RBFOX2: variants seen among roughly 807,000 people sequenced by gnomAD.
RBFOX2 encodes RNA binding protein fox-1 homolog 2.
In RBFOX2, 10 loss-of-function variants were observed where a neutral mutation model predicts 49.1. The observed-to-expected ratio is 0.20, with a 90% CI of 0.13 to 0.35. RBFOX2 has a LOEUF of 0.35. Ranked by LOEUF, RBFOX2 falls within the 10% of genes least tolerant of loss-of-function variation. The pLI is 1.00. For synonymous variants in RBFOX2, 183 were observed against 187.4 expected, an observed-to-expected ratio of 0.98 and a Z score of 0.19; for missense variants, 323 against 486.9, an observed-to-expected ratio of 0.66 and a Z score of 3.17.
At position 35,976,361 on chromosome 22, in the gene RBFOX2, A is replaced by G. The variant is rs80078222; in HGVS notation, c.187-37464T>C. ...ACCCCCCCCTCTTAATTCTTCCCTCAGTCCTTCCTTCCTGTTCTCAACAAG... is the reference window on the plus strand; with the variant it reads ...ACCCCCCCCTCTTAATTCTTCCCTCGGTCCTTCCTTCCTGTTCTCAACAAG... On this transcript the variant is annotated intron_variant, in intron 1 of 13. Coordinates refer to the RBFOX2 transcript ENST00000438146. Among the ~76,000 whole-genome samples the G allele has an allele frequency of 9.2e-5, 14 of 151,850 alleles. No homozygotes were observed. The East Asian group carries it at 2.3e-3, about 25-fold the overall frequency.
At position 35,782,434 on chromosome 22, in the gene RBFOX2, G is replaced by C. The variant is rs1945359999; in HGVS notation, c.253-688C>G. ...CTTCCCGGGTTCACGCCATTCTCCT[G>C]CCTCAGCCTCCCGAGTAGCTGGGAC... On this transcript the variant is annotated intron_variant, in intron 2 of 11. Transcript: ENST00000405409. Among the ~76,000 whole-genome samples, 3 of 152,088 alleles carry C rather than the reference G, an allele frequency of 2.0e-5. No homozygotes were observed. The South Asian group carries it at 6.2e-4, about 32-fold the overall frequency.
At chr22:35,876,531 A>C (rs1255100497) in intron 1 of RBFOX2, among the ~76,000 whole-genome samples, 1 of 152,190 alleles carries the variant, frequency 6.6e-6, no homozygotes, top group Non-Finnish European at 1.5e-5. Flanking sequence ...TAAAGCCTCA[A>C]AACAAAACTC....
chr22:35,785,510 C>T (rs1004497616), intron 2 of RBFOX2, among the ~76,000 whole-genome samples: 1 of 152,158 alleles, frequency 6.6e-6, no homozygotes, highest in Non-Finnish European at 1.5e-5. Flanking sequence ...GCATCCCCTC[C>T]CTTTGACTTT....
At chr22:35,971,279 G>A (rs1483085642) in intron 1 of RBFOX2, among the ~76,000 whole-genome samples, 1 of 152,120 alleles carries the variant, frequency 6.6e-6, no homozygotes, top group African/African-American at 2.4e-5. Context: ...GCTACACAGG[G>A]CCAGTGATAC....
chr22:35,934,807 A>C (rs760498406), intron 1 of RBFOX2, among the ~76,000 whole-genome samples: 1 of 152,190 alleles, frequency 6.6e-6, no homozygotes, highest in Non-Finnish European at 1.5e-5. Context: ...AATACTGCAA[A>C]TCCATAAAAC....
At chr22:36,001,190 C>T (rs995581529) in intron 1 of RBFOX2, among the ~76,000 whole-genome samples, 5 of 66,238 alleles carry the variant, frequency 7.5e-5, no homozygotes, top group African/African-American at 2.5e-4. Flanking sequence ...AACATACACA[C>T]ACACACACAC....
intron 1 of RBFOX2, among the ~76,000 whole-genome samples, chr22:35,858,897 G>C (rs1044012637): frequency 1.3e-5 from 2 of 148,952 alleles, no homozygotes; most frequent in East Asian, 2.0e-4. Flanking sequence ...TATATGAAAA[G>C]AGAAGGTCTG....
chr22:35,853,571 T>G (rs2042184854), intron 1 of RBFOX2, among the ~76,000 whole-genome samples: 1 of 152,118 alleles, frequency 6.6e-6, no homozygotes, highest in African/African-American at 2.4e-5. Context: ...AATGTATTGG[T>G]TGACATACAC....
At chr22:35,967,917 T>C (rs2056656512) in intron 1 of RBFOX2, among the ~76,000 whole-genome samples, 1 of 152,072 alleles carries the variant, frequency 6.6e-6, no homozygotes, top group Admixed American at 6.6e-5. Flanking sequence ...CCAGAAATAA[T>C]ACAATTTTTC....
At chr22:35,804,213 G>T (rs1950281648) in intron 2 of RBFOX2, among the ~76,000 whole-genome samples, 1 of 152,076 alleles carries the variant, frequency 6.6e-6, no homozygotes, top group Admixed American at 6.6e-5. Context: ...GGGAGGCAGA[G>T]GTTGTACTGA....
intron 1 of RBFOX2, among the ~76,000 whole-genome samples, chr22:35,936,203 C>T (rs1445000510): frequency 6.7e-6 from 1 of 148,688 alleles, no homozygotes; most frequent in Non-Finnish European, 1.5e-5. Context: ...CAGAGCAAGA[C>T]CCTGTCTCAA....
intron 1 of RBFOX2, among the ~76,000 whole-genome samples, chr22:35,832,689 A>T (rs1299606168): frequency 6.6e-6 from 1 of 151,128 alleles, no homozygotes; most frequent in African/African-American, 2.4e-5. Flanking sequence ...AAAATTAGCC[A>T]GGTGTGGTGG....
At position 35,761,248 on chromosome 22, in the gene RBFOX2, C is replaced by A. The variant is rs764922142; in HGVS notation, c.708G>T (p.Val236=). The change falls in exon 8 of 12, where the codon GTG becomes GTT. Residue 236 remains valine, a synonymous_variant. Coordinates refer to ENST00000405409, the Ensembl canonical transcript of RBFOX2. Reference sequence around the variant, plus strand: ...TGATACCCCCTCTTCCTGATAGGGGCACTGCTGCATCATTGCCTAGGGACA... The same window carrying A: ...TGATACCCCCTCTTCCTGATAGGGGAACTGCTGCATCATTGCCTAGGGACA... 18 of 1,614,152 alleles carry A rather than the reference C, an allele frequency of 1.1e-5. 1 individual carries two copies. The South Asian group carries it at 1.6e-4, about 15-fold the overall frequency.
chr22:35,873,966 C>T (rs2044689814), intron 1 of RBFOX2, among the ~76,000 whole-genome samples: 3 of 152,150 alleles, frequency 2.0e-5, no homozygotes, highest in Admixed American at 2.0e-4. Context: ...TGAGCCATGG[C>T]GCCCGGCCAT....
At position 35,960,302 on chromosome 22, in the gene RBFOX2, C is replaced by CGGA. The variant is rs879545979; in HGVS notation, c.42+1260_42+1261insTCC. Reference sequence around the variant, plus strand: ...GGTTGGTACTCACAGCACTATCATTCCCATTTTACACATGAGGAAGCCAAC... The same window carrying CGGA: ...GGTTGGTACTCACAGCACTATCATTCGGACCATTTTACACATGAGGAAGCCAAC... On this transcript the variant is annotated intron_variant, in intron 1 of 5. Transcript: ENST00000408983. 9.7e-3 allele frequency among the ~76,000 whole-genome samples: 1,477 copies of CGGA among 152,288 alleles called. 11 individuals carry two copies. Among genetic ancestry groups the CGGA allele is most frequent in the Middle Eastern group, 0.027 (8 of 294 alleles).
intron 2 of RBFOX2, among the ~76,000 whole-genome samples, chr22:35,792,790 T>TA (rs1405324417): frequency 4.3e-4 from 65 of 152,368 alleles, no homozygotes; most frequent in African/African-American, 1.5e-3. Context: ...AAAAACACTT[T>TA]AAAATTTTCA....
At chr22:36,006,589 T>C (rs768875583) in intron 1 of RBFOX2, among the ~76,000 whole-genome samples, 5 of 152,168 alleles carry the variant, frequency 3.3e-5, no homozygotes, top group Non-Finnish European at 4.4e-5. Context: ...TGGTGAACAA[T>C]GGTCCTACAT....
chr22:36,008,470 A>C (rs1385316283), intron 1 of RBFOX2, among the ~76,000 whole-genome samples: 3 of 152,216 alleles, frequency 2.0e-5, no homozygotes, highest in Non-Finnish European at 4.4e-5. Context: ...TTAGGAAGAA[A>C]GGATGGATGA....
chr22:35,773,556 A>C (rs1460973409), intron 4 of RBFOX2, among the ~76,000 whole-genome samples: 2 of 152,094 alleles, frequency 1.3e-5, no homozygotes, highest in Non-Finnish European at 1.5e-5. Context: ...TCTAATATCT[A>C]TCAATTTTTA....
Sources: gnomAD v4.1 joint callset for allele counts (sites outside exome capture counted in the v4.1 genomes callset) on GRCh38, gnomAD v4.1.1 for gene constraint, MANE v1.5 for transcripts, NCBI Gene and HGNC (gene_info 2026-07-23, HGNC 2026-07-21) for gene names.